Variants in PPP2R2C observed in about 807,000 individuals in gnomAD.
PPP2R2C encodes protein phosphatase 2 regulatory subunit Bgamma.
A neutral mutation model predicts 45.3 loss-of-function variants in PPP2R2C; 10 were observed. That is an observed-to-expected ratio of 0.22 (90% CI 0.14 to 0.37). The LOEUF is 0.37. Ranked by LOEUF, PPP2R2C falls within the 10% of genes least tolerant of loss-of-function variation. The pLI, the probability that PPP2R2C is intolerant of heterozygous loss-of-function variation, is 1.00. For synonymous variants in PPP2R2C, 257 were observed against 245.4 expected (o/e 1.05, Z -0.44); for missense variants, 308 against 619.7 (o/e 0.50, Z 5.34).
chr4:6,378,508 G>A lies in PPP2R2C; in HGVS notation c.233C>T (p.Pro78Leu), dbSNP rs760729044. The A allele has an allele frequency of 3.7e-6, 6 of 1,614,010 alleles. No individual in the cohort carries two copies. The African/African-American group carries it at 4.0e-5, about 11-fold the overall frequency. ...CAGGCTCTTGAGATAGTCAAACTCC[G>A]GCTCGTGGCTCTGGAAAGTGCTGTA... ...DVYSTFQSHEPEFDYLKSLEI... is the reference protein window; with the variant it reads ...DVYSTFQSHELEFDYLKSLEI... Residue 78 changes from proline (P) to leucine (L), a missense_variant, in exon 3 of 9, where the codon CCG becomes CTG. Pro to Leu is a moderately conservative substitution (Grantham distance 98). Transcript: ENST00000382599. The surrounding 1 kb of genome is among the most constrained non-coding windows in gnomAD (Gnocchi z 5.2).
Position 6,381,653 on chromosome 4 carries a change from C to T in PPP2R2C, c.71-559G>A, listed in dbSNP as rs925942168. 1.8e-5 allele frequency: 27 copies of T among 1,505,678 alleles called. No individual in the cohort carries two copies. The African/African-American group carries it at 3.5e-4, about 20-fold the overall frequency. 93.3% of individuals were successfully genotyped at this position (1,505,678 alleles called of 1,614,324 possible). On this transcript the variant is annotated intron_variant, in intron 1 of 8. Coordinates refer to ENST00000382599, the MANE Select transcript of PPP2R2C (RefSeq NM_020416.4). ...ACCTCCAGGCAGGCCTCTGGGATCG[C>T]TCTCTAATCTCTGCTCGCAGAAGCG...
intron 1 of PPP2R2C, among the ~76,000 whole-genome samples, chr4:6,447,421 C>T (rs1209372727): frequency 6.6e-6 from 1 of 152,014 alleles, no homozygotes; most frequent in Admixed American, 6.6e-5. Context: ...GGAAGAGCTC[C>T]GGATAAATGT....
At chr4:6,338,152 G>A (rs1733134206) in intron 6 of PPP2R2C, among the ~76,000 whole-genome samples, 1 of 152,052 alleles carries the variant, frequency 6.6e-6, no homozygotes, top group Non-Finnish European at 1.5e-5. Flanking sequence ...TTCCTGCCAT[G>A]GGTTTAAAGA....
In PPP2R2C at chr4:6,480,412, C is replaced by T. The variant is rs191382688; in HGVS notation, c.49+54859G>A. 3.5e-4 allele frequency among the ~76,000 whole-genome samples: 54 copies of T among 152,246 alleles called. 1 individual carries two copies. The highest frequency in any genetic ancestry group is 3.4e-3 in the Middle Eastern group (1 of 294). ...CCCAACTCTGTGTTTGATGATGTCACGATGGTAGCTAGACATCAGCCATGG... is the reference window on the plus strand; with the variant it reads ...CCCAACTCTGTGTTTGATGATGTCATGATGGTAGCTAGACATCAGCCATGG... On this transcript the variant is annotated intron_variant, in intron 2 of 9. Transcript: ENST00000506140.
At chr4:6,476,786 A>G (rs35090764), upstream of PPP2R2C, among the ~76,000 whole-genome samples, 68,007 of 151,996 alleles carry the variant, frequency 0.45, 15,910 homozygotes, top group African/African-American at 0.57. Flanking sequence ...TTTTCTGAGA[A>G]GCACTCATGT....
At chr4:6,468,018 C>T (rs1183124675) in intron 1 of PPP2R2C, among the ~76,000 whole-genome samples, 1 of 152,228 alleles carries the variant, frequency 6.6e-6, no homozygotes, top group Non-Finnish European at 1.5e-5. Context: ...GGAATGAGAT[C>T]ATCCTTGCAC....
Position 6,345,256 on chromosome 4 carries a change from T to C in PPP2R2C, c.790+2590A>G, listed in dbSNP as rs1392873475. 6.6e-6 allele frequency among the ~76,000 whole-genome samples: 1 copy of C among 152,150 alleles called. No individual in the cohort carries two copies. Among genetic ancestry groups the C allele is most frequent in the Non-Finnish European group, 1.5e-5 (1 of 68,038 alleles). ...TTCCATTCGGACCCAGACCTGGCTG[T>C]ACACAGGCACAGCTGGAGGCACATG... On this transcript the variant is annotated intron_variant, in intron 6 of 8. Coordinates refer to ENST00000382599, the MANE Select transcript of PPP2R2C (RefSeq NM_020416.4). This position sits in a 1 kb window ranked among gnomAD's most constrained non-coding sequence, Gnocchi z 5.3.
intron 1 of PPP2R2C, chr4:6,382,151 A>C: frequency 2.5e-6 from 3 of 1,211,028 alleles, no homozygotes; most frequent in South Asian, 1.7e-5. Flanking sequence ...TCCTATAAAA[A>C]TCCACATTTC....
At chr4:6,371,954 T>G (rs1714864104) in intron 5 of PPP2R2C, among the ~76,000 whole-genome samples, 1 of 152,054 alleles carries the variant, frequency 6.6e-6, no homozygotes, top group Non-Finnish European at 1.5e-5. Context: ...CATCACCAGC[T>G]CTCTTCCCAG....
chr4:6,487,618 G>A (rs567423520), intron 2 of PPP2R2C, among the ~76,000 whole-genome samples: 5 of 151,834 alleles, frequency 3.3e-5, no homozygotes, highest in South Asian at 2.1e-4. Flanking sequence ...CCCACCCCAC[G>A]CCTTTCTCTG....
intron 1 of PPP2R2C, among the ~76,000 whole-genome samples, chr4:6,441,880 C>A (rs551600994): frequency 6.6e-6 from 1 of 152,176 alleles, no homozygotes; most frequent in Non-Finnish European, 1.5e-5. Context: ...CCCAGCACTG[C>A]GGTCAAAATT....
chr4:6,390,698 T>C lies in PPP2R2C; in HGVS notation c.71-9604A>G, dbSNP rs1307538781. 2.0e-5 allele frequency among the ~76,000 whole-genome samples: 3 copies of C among 152,164 alleles called. No individual in the cohort carries two copies. The East Asian group carries it at 5.8e-4, about 29-fold the overall frequency. ...CCTCATTCCGGGCCAGGGAACGGAA[T>C]ATCCCTGATGGGATTTTATGTGAGG... On this transcript the variant is annotated intron_variant, in intron 1 of 8. Coordinates refer to ENST00000382599, the MANE Select transcript of PPP2R2C (RefSeq NM_020416.4).
intron 1 of PPP2R2C, among the ~76,000 whole-genome samples, chr4:6,389,303 G>A (rs189801743): frequency 1.8e-3 from 276 of 152,284 alleles, no homozygotes; most frequent in African/African-American, 6.0e-3. Context: ...CCAGCACGTC[G>A]GGGGACTTGC....
At chr4:6,467,777 G>A (rs1721665628) in intron 1 of PPP2R2C, among the ~76,000 whole-genome samples, 1 of 152,192 alleles carries the variant, frequency 6.6e-6, no homozygotes, top group Non-Finnish European at 1.5e-5. Context: ...AAGTTCAGAG[G>A]CGGCCTGGAC....
chr4:6,546,923 G>C (rs1424629684), intron 1 of PPP2R2C, among the ~76,000 whole-genome samples: 3 of 152,220 alleles, frequency 2.0e-5, no homozygotes, highest in Non-Finnish European at 4.4e-5. Context: ...GAAAAGGAAA[G>C]AGGGGAGGAA....
chr4:6,398,547 C>T (rs1717207219), intron 1 of PPP2R2C, among the ~76,000 whole-genome samples: 1 of 152,026 alleles, frequency 6.6e-6, no homozygotes, highest in Non-Finnish European at 1.5e-5. Context: ...CAAATCACAA[C>T]GAGATACCAG....
intron 2 of PPP2R2C, among the ~76,000 whole-genome samples, chr4:6,535,041 G>A (rs768206470): frequency 4.6e-5 from 7 of 152,324 alleles, no homozygotes; most frequent in African/African-American, 7.2e-5. Context: ...CTCACCCATC[G>A]GCCTGGGAGA....
chr4:6,329,446 A>C lies in PPP2R2C; in HGVS notation c.961-93T>G. Reference sequence around the variant, plus strand: ...GTCTCAAAGAGCAGCGAGGGTCTGCATGCCCTGACATGGCCCAGCGCAGAC... The same window carrying C: ...GTCTCAAAGAGCAGCGAGGGTCTGCCTGCCCTGACATGGCCCAGCGCAGAC... On this transcript the variant is annotated intron_variant, in intron 7 of 8. Transcript: ENST00000382599. The surrounding 1 kb of genome is among the most constrained non-coding windows in gnomAD (Gnocchi z 5.8). The C allele has an allele frequency of 9.4e-7, 1 of 1,061,298 alleles. No homozygotes were observed. The highest frequency in any genetic ancestry group is 1.4e-6 in the Non-Finnish European group (1 of 690,454). 65.7% of individuals were successfully genotyped at this position (1,061,298 alleles called of 1,614,324 possible). A position where few individuals can be genotyped will look rare whatever the true frequency, so the allele number is the denominator to read the frequency against.
At chr4:6,358,664 C>T (rs1029916404) in intron 5 of PPP2R2C, among the ~76,000 whole-genome samples, 5 of 151,794 alleles carry the variant, frequency 3.3e-5, no homozygotes, top group African/African-American at 9.7e-5. Context: ...AATCAAACAA[C>T]ACCATCAAAA....
Sources: gnomAD v4.1 joint callset for allele counts (sites outside exome capture counted in the v4.1 genomes callset) on GRCh38, gnomAD v4.1.1 for gene constraint, Gnocchi (gnomAD v3.1) non-coding constraint, MANE v1.5 for transcripts, NCBI Gene and HGNC (gene_info 2026-07-23, HGNC 2026-07-21) for gene names.